NAB1: variants seen among roughly 807,000 people sequenced by gnomAD.
NAB1 encodes the protein NGFI-A binding protein 1.
In NAB1, 25 loss-of-function variants were observed where a neutral mutation model predicts 49.9. That is an observed-to-expected ratio of 0.50 (90% CI 0.37 to 0.70). The LOEUF is 0.70. Among genes scored for constraint, NAB1 ranks in the 30% least tolerant of loss-of-function variants. The probability of loss-of-function intolerance (pLI) is 0.00; values close to 1 mark genes in which losing one functional copy is unlikely to be tolerated. For synonymous variants in NAB1, 198 were observed against 215.6 expected (o/e 0.92, Z 0.71); for missense variants, 489 against 575.9 (o/e 0.85, Z 1.54).
rs950813438 is a variant in NAB1 at position 190,678,700 on chromosome 2, G to T, written c.1006-5038G>T. On this transcript the variant is annotated intron_variant, in intron 6 of 9. Coordinates refer to ENST00000337386, the MANE Select transcript of NAB1 (RefSeq NM_005966.4). The surrounding 1 kb of genome is among the most constrained non-coding windows in gnomAD (Gnocchi z 4.9). ...AAGGTGGGGGTGGGAGAGCAAGGAA[G>T]GGGGAGGAAAGAGGTTCAGAATATC... is the stretch of plus-strand genomic sequence containing the variant. 2.6e-5 allele frequency among the ~76,000 whole-genome samples: 4 copies of T among 152,156 alleles called. No homozygotes were observed. Among genetic ancestry groups the T allele is most frequent in the Non-Finnish European group, 4.4e-5 (3 of 68,016 alleles).
chr2:190,656,300 T>C (rs1247554272), intron 3 of NAB1, 147 bp downstream of exon 3: 2 of 152,248 alleles, frequency 1.3e-5, no homozygotes, highest in Admixed American at 6.5e-5. Flanking sequence ...TGTTGAATCA[T>C]TAATGGTTAT....
Position 190,659,154 on chromosome 2 carries a change from GCA to G in NAB1, c.-19-3_-19-2del. The G allele has an allele frequency of 7.2e-7, 1 of 1,388,410 alleles. No homozygotes were observed. The highest frequency in any genetic ancestry group is 9.6e-7 in the Non-Finnish European group (1 of 1,045,542). The allele number at this position is 1,388,410 out of a possible 1,614,324, so 86.0% of individuals were successfully genotyped here. On this transcript the variant is annotated splice_acceptor_variant and splice_polypyrimidine_tract_variant and intron_variant, in intron 3 of 9. Transcript: ENST00000337386. LOFTEE classifies it low-confidence loss of function (5UTR_SPLICE). The surrounding 1 kb of genome is among the most constrained non-coding windows in gnomAD (Gnocchi z 6.2). ...GTTTTTACTTTTTTTTTTTTTTTTGGCAGGTTAAACCCATCCAGAGTAATGGC... is the reference window on the plus strand; with the variant it reads ...GTTTTTACTTTTTTTTTTTTTTTTGGGGTTAAACCCATCCAGAGTAATGGC...
Position 190,673,744 on chromosome 2 carries a change from C to G in NAB1, c.1005+592C>G, listed in dbSNP as rs140270215. ...ACAGAGACTTTACTGTAACTAAAGC[C>G]TCTTTTAGAGTGTCACGGTTGAGGC... On this transcript the variant is annotated intron_variant, in intron 6 of 9. Transcript: ENST00000337386. Among the ~76,000 whole-genome samples the G allele has an allele frequency of 2.9e-3, 435 of 152,236 alleles. 2 individuals carry two copies. The highest frequency in any genetic ancestry group is 0.014 in the South Asian group (68 of 4,814).
Position 190,652,414 on chromosome 2 carries a change from T to C in NAB1, c.-197+2432T>C, listed in dbSNP as rs912955724. On this transcript the variant is annotated intron_variant, in intron 2 of 9. Coordinates refer to ENST00000337386, the MANE Select transcript of NAB1 (RefSeq NM_005966.4). The surrounding 1 kb of genome is among the most constrained non-coding windows in gnomAD (Gnocchi z 4.2). Reference sequence around the variant, plus strand: ...AATTTCCAGCCATTGTACGAAATGCTAGTATTTGCCTATTGTTACTATAGT... The same window carrying C: ...AATTTCCAGCCATTGTACGAAATGCCAGTATTTGCCTATTGTTACTATAGT... Among the ~76,000 whole-genome samples, 1 of 152,218 alleles carries C rather than the reference T, an allele frequency of 6.6e-6. No individual in the cohort carries two copies. The highest frequency in any genetic ancestry group is 2.4e-5 in the African/African-American group (1 of 41,452).
intron 9 of NAB1, among the ~76,000 whole-genome samples, chr2:190,688,748 GTCTTTCTTTCTCTTTT>G (rs992273690): frequency 6.6e-6 from 1 of 151,960 alleles, no homozygotes; most frequent in African/African-American, 2.4e-5. Flanking sequence ...CTGAAAAAGC[GTCTTTCTTTCTCTTTT>G]TCTTTCTTTC....
Position 190,659,900 on chromosome 2 carries a change from G to A in NAB1, c.724G>A (p.Asp242Asn). Residue 242 changes from aspartate (D) to asparagine (N), a missense_variant, in exon 4 of 10, where the codon GAT becomes AAT. Transcript: ENST00000337386. This position sits in a 1 kb window ranked among gnomAD's most constrained non-coding sequence, Gnocchi z 6.2. ...TCACATCTTTGAGATGAACGATGAT[G>A]ATCCACACAAAGAGGAGGAAATTCG... ...IGHIFEMNDD[D>N]PHKEEEIRKY... The A allele has an allele frequency of 6.2e-7, 1 of 1,614,180 alleles. No homozygotes were observed. Among genetic ancestry groups the A allele is most frequent in the Non-Finnish European group, 8.5e-7 (1 of 1,180,032 alleles).
chr2:190,688,822 TCTTTCTTTTCTTTTCTTC>T (rs1695763382), intron 9 of NAB1, among the ~76,000 whole-genome samples: 2 of 151,502 alleles, frequency 1.3e-5, no homozygotes, highest in Admixed American at 6.6e-5. Flanking sequence ...TTCTTTCCTT[TCTTTCTTTTCTTTTCTTC>T]CTTTCTTTTC....
In NAB1 at chr2:190,659,092, C is replaced by T. The variant is rs1229528082; in HGVS notation, c.-19-66C>T. 8.5e-6 allele frequency: 9 copies of T among 1,057,216 alleles called. No homozygotes were observed. Among genetic ancestry groups the T allele is most frequent in the Non-Finnish European group, 1.2e-5 (9 of 741,364 alleles). 65.5% of individuals were successfully genotyped at this position (1,057,216 alleles called of 1,614,324 possible). ...TTTGTTCTTAAAACCTGTAGTGTAA[C>T]CTATTTGGTGTAAGGAGTTTGAAGC... On this transcript the variant is annotated intron_variant, in intron 3 of 9. Coordinates refer to ENST00000337386, the MANE Select transcript of NAB1 (RefSeq NM_005966.4). This position sits in a 1 kb window ranked among gnomAD's most constrained non-coding sequence, Gnocchi z 6.2.
At position 190,666,871 on chromosome 2, in the gene NAB1, A is replaced by G. The variant is rs1182767511; in HGVS notation, c.820-3455A>G. ...AGAGTATTGGCATTCAGAAAAAGCTAACAGTGCTGCTGCAAGTGACGGGAA... is the reference window on the plus strand; with the variant it reads ...AGAGTATTGGCATTCAGAAAAAGCTGACAGTGCTGCTGCAAGTGACGGGAA... On this transcript the variant is annotated intron_variant, in intron 4 of 9. Coordinates refer to ENST00000337386, the MANE Select transcript of NAB1 (RefSeq NM_005966.4). The surrounding 1 kb of genome is among the most constrained non-coding windows in gnomAD (Gnocchi z 5.6). Among the ~76,000 whole-genome samples the G allele has an allele frequency of 6.6e-6, 1 of 152,214 alleles. No individual in the cohort carries two copies. Among genetic ancestry groups the G allele is most frequent in the Non-Finnish European group, 1.5e-5 (1 of 68,028 alleles).
Position 190,673,095 on chromosome 2 carries a change from C to T in NAB1, c.954-6C>T, listed in dbSNP as rs568996721. 3.1e-6 allele frequency: 5 copies of T among 1,601,576 alleles called. No homozygotes were observed. The highest frequency in any genetic ancestry group is 2.7e-5 in the African/African-American group (2 of 73,996). ...TTTTTTTTTTTTTCTCTCCCCTTTC[C>T]CTTAGGTCAAAATGTGGAGAAAGAG... On this transcript the variant is annotated splice_polypyrimidine_tract_variant and splice_region_variant and intron_variant, in intron 5 of 9. Coordinates refer to ENST00000337386, the MANE Select transcript of NAB1 (RefSeq NM_005966.4).
chr2:190,680,785 C>T lies in NAB1; in HGVS notation c.1006-2953C>T, dbSNP rs1559248635. 6.6e-6 allele frequency among the ~76,000 whole-genome samples: 1 copy of T among 152,044 alleles called. No individual in the cohort carries two copies. Among genetic ancestry groups the T allele is most frequent in the African/African-American group, 2.4e-5 (1 of 41,424 alleles). ...TGTCCATAAAATTTCTCTTTTTTCC[C>T]CAGTATGATGCTTTACTCTGATTAA... On this transcript the variant is annotated intron_variant, in intron 6 of 9. Coordinates refer to ENST00000337386, the MANE Select transcript of NAB1 (RefSeq NM_005966.4). The surrounding 1 kb of genome is among the most constrained non-coding windows in gnomAD (Gnocchi z 5.2).
chr2:190,688,547 G>GT (rs1695736856), intron 9 of NAB1, among the ~76,000 whole-genome samples: 1 of 150,648 alleles, frequency 6.6e-6, no homozygotes, highest in Non-Finnish European at 1.5e-5. Context: ...GATCTTTAAA[G>GT]TTTTTTCAAA....
intron 2 of NAB1, among the ~76,000 whole-genome samples, chr2:190,650,517 T>C (rs369973526): frequency 2.6e-5 from 4 of 152,358 alleles, no homozygotes; most frequent in African/African-American, 9.6e-5. Flanking sequence ...ACGCAATGAC[T>C]TACCTTCCTA....
In NAB1 at chr2:190,659,837, C is replaced by T; in HGVS notation, c.661C>T (p.Leu221=). ...PKSDLNEVKE[L]LKTNKKLAKM... ...AAGTGACTTGAATGAAGTGAAAGAGCTGCTAAAAACCAACAAGAAGTTGGC... is the reference window on the plus strand; with the variant it reads ...AAGTGACTTGAATGAAGTGAAAGAGTTGCTAAAAACCAACAAGAAGTTGGC... Residue 221 remains leucine, a synonymous_variant, in exon 4 of 10, where the codon CTG becomes TTG. Transcript: ENST00000337386. This position sits in a 1 kb window ranked among gnomAD's most constrained non-coding sequence, Gnocchi z 6.2. 1 of 1,614,202 alleles carries T rather than the reference C, an allele frequency of 6.2e-7. No homozygotes were observed. Among genetic ancestry groups the T allele is most frequent in the Non-Finnish European group, 8.5e-7 (1 of 1,180,034 alleles).
chr2:190,671,769 CTTTTT>C (rs1177937369), intron 5 of NAB1, among the ~76,000 whole-genome samples: 14 of 71,718 alleles, frequency 2.0e-4, no homozygotes, highest in African/African-American at 4.9e-4. Context: ...TTCACCTTTC[CTTTTT>C]TTTTTTTTTT....
At position 190,652,522 on chromosome 2, in the gene NAB1, T is replaced by C. The variant is rs917404647; in HGVS notation, c.-197+2540T>C. ...TTGGCAAGTAAATTTAACCTCACACTGAATATTTTTATTAAAATTTTAAGG... is the reference window on the plus strand; with the variant it reads ...TTGGCAAGTAAATTTAACCTCACACCGAATATTTTTATTAAAATTTTAAGG... On this transcript the variant is annotated intron_variant, in intron 2 of 9. Coordinates refer to ENST00000337386, the MANE Select transcript of NAB1 (RefSeq NM_005966.4). This position sits in a 1 kb window ranked among gnomAD's most constrained non-coding sequence, Gnocchi z 4.2. 6.6e-6 allele frequency among the ~76,000 whole-genome samples: 1 copy of C among 152,248 alleles called. No individual in the cohort carries two copies. Among genetic ancestry groups the C allele is most frequent in the African/African-American group, 2.4e-5 (1 of 41,474 alleles).
rs1332789174 is a variant in NAB1 at position 190,657,060 on chromosome 2, C to T, written c.-20+907C>T. ...ACATGTACTTTTTTTTTCTGTATTG[C>T]GTTGAAAGCCTATGGAGGAATTGCA... is the stretch of plus-strand genomic sequence containing the variant. On this transcript the variant is annotated intron_variant, in intron 3 of 9. Coordinates refer to ENST00000337386, the MANE Select transcript of NAB1 (RefSeq NM_005966.4). This position sits in a 1 kb window ranked among gnomAD's most constrained non-coding sequence, Gnocchi z 4.4. Among the ~76,000 whole-genome samples the T allele has an allele frequency of 6.6e-6, 1 of 151,814 alleles. No homozygotes were observed. The highest frequency in any genetic ancestry group is 6.6e-5 in the Admixed American group (1 of 15,252).
At position 190,663,616 on chromosome 2, in the gene NAB1, C is replaced by T. The variant is rs1298418091; in HGVS notation, c.819+3621C>T. 6.6e-6 allele frequency among the ~76,000 whole-genome samples: 1 copy of T among 152,198 alleles called. No individual in the cohort carries two copies. Among genetic ancestry groups the T allele is most frequent in the Non-Finnish European group, 1.5e-5 (1 of 68,038 alleles). On this transcript the variant is annotated intron_variant, in intron 4 of 9. Transcript: ENST00000337386. The surrounding 1 kb of genome is among the most constrained non-coding windows in gnomAD (Gnocchi z 4.2). ...CTCTGATCTTTTTGAAGAAGCCACT[C>T]TGGGCTTAGTTGCTATTCTTGCTTG...
chr2:190,688,488 C>T (rs1366776950), intron 9 of NAB1, among the ~76,000 whole-genome samples: 3 of 151,610 alleles, frequency 2.0e-5, no homozygotes, highest in African/African-American at 7.3e-5. Context: ...TGAAATTATC[C>T]TAAAAAGATG....
Sources: allele counts gnomAD v4.1 joint callset (sites outside exome capture counted in the v4.1 genomes callset), GRCh38; gene constraint gnomAD v4.1.1; non-coding constraint Gnocchi (gnomAD v3.1); transcripts MANE v1.5; gene names NCBI Gene and HGNC (gene_info 2026-07-23, HGNC 2026-07-21).